Variants in VPS8 observed in about 807,000 individuals in gnomAD.
VPS8 encodes the protein vacuolar protein sorting-associated protein 8 homolog.
A neutral mutation model predicts 216.4 loss-of-function variants in VPS8; 129 were observed. The observed-to-expected ratio is 0.60, with a 90% CI of 0.52 to 0.69. The LOEUF is 0.69. VPS8 is among the 30% of genes least tolerant of loss of function. The pLI is 0.00. For synonymous variants in VPS8, 571 were observed against 565.4 expected (o/e 1.01, Z -0.14); for missense variants, 1,531 against 1,683.5 (o/e 0.91, Z 1.59).
intron 1 of VPS8, among the ~76,000 whole-genome samples, chr3:184,823,491 A>G (rs1718063915): frequency 6.6e-6 from 1 of 152,252 alleles, no homozygotes; most frequent in Non-Finnish European, 1.5e-5. Flanking sequence ...TGGTGTTTAT[A>G]CACGCTAAAG....
chr3:185,027,239 T>TTTTTTTC (rs1757504257), intron 46 of VPS8, among the ~76,000 whole-genome samples: 1 of 136,954 alleles, frequency 7.3e-6, no homozygotes, highest in African/African-American at 2.8e-5. Flanking sequence ...TATGTTCTTT[T>TTTTTTTC]TTTTTTTTTT....
At chr3:185,031,143 G>GC (rs1480603277) in intron 46 of VPS8, among the ~76,000 whole-genome samples, 1 of 143,418 alleles carries the variant, frequency 7.0e-6, no homozygotes, top group Non-Finnish European at 1.5e-5. Context: ...AGAAAAGCTG[G>GC]CCCCAGTGTC....
intron 46 of VPS8, among the ~76,000 whole-genome samples, chr3:185,030,589 G>A (rs182179879): frequency 6.6e-6 from 1 of 152,170 alleles, no homozygotes; most frequent in Non-Finnish European, 1.5e-5. Context: ...TATTCCGCAA[G>A]CCTGTTAGGT....
At chr3:184,832,105 T>A (rs1448098079) in intron 3 of VPS8, among the ~76,000 whole-genome samples, 5 of 152,186 alleles carry the variant, frequency 3.3e-5, no homozygotes, top group Non-Finnish European at 7.3e-5. Context: ...TATAAGGCTT[T>A]TCATGGTTTG....
intron 45 of VPS8, among the ~76,000 whole-genome samples, chr3:185,022,475 A>C (rs1756796430): frequency 6.6e-6 from 1 of 152,186 alleles, no homozygotes; most frequent in South Asian, 2.1e-4. Flanking sequence ...TATTTAATAG[A>C]TATAAGGCTA....
chr3:185,014,477 GCATAAC>G (rs1266640876), intron 45 of VPS8, among the ~76,000 whole-genome samples: 1 of 152,186 alleles, frequency 6.6e-6, no homozygotes, highest in African/African-American at 2.4e-5. Flanking sequence ...AGAAACGCAA[GCATAAC>G]CTTTATCCCA....
At chr3:184,954,962 T>G (rs1245065416) in intron 36 of VPS8, among the ~76,000 whole-genome samples, 1 of 152,164 alleles carries the variant, frequency 6.6e-6, no homozygotes, top group Non-Finnish European at 1.5e-5. Flanking sequence ...GGGTCAGGTG[T>G]TGACGGGATA....
At chr3:184,949,775 A>G (rs1336551228) in intron 36 of VPS8, among the ~76,000 whole-genome samples, 8 of 152,234 alleles carry the variant, frequency 5.3e-5, no homozygotes, top group Non-Finnish European at 8.8e-5. Context: ...GGCAAAACTA[A>G]GGATTACATT....
intron 31 of VPS8, among the ~76,000 whole-genome samples, chr3:184,926,877 G>A (rs1376373337): frequency 6.6e-6 from 1 of 152,148 alleles, no homozygotes; most frequent in Non-Finnish European, 1.5e-5. Context: ...GATCTGTCTT[G>A]TATCTACCGT....
intron 11 of VPS8, among the ~76,000 whole-genome samples, chr3:184,852,876 C>A (rs200443080): frequency 6.6e-6 from 1 of 152,094 alleles, no homozygotes; most frequent in East Asian, 1.9e-4. Context: ...GCTCAAGGCC[C>A]AGTTGATTTT....
intron 21 of VPS8, among the ~76,000 whole-genome samples, chr3:184,884,435 G>C (rs762245875): frequency 6.6e-6 from 1 of 152,078 alleles, no homozygotes; most frequent in Non-Finnish European, 1.5e-5. Flanking sequence ...GTATTTTCAG[G>C]ATCACTTTTT....
chr3:184,860,025 A>G lies in VPS8; in HGVS notation c.1184A>G (p.Gln395Arg). The G allele has an allele frequency of 6.2e-7, 1 of 1,613,436 alleles. No homozygotes were observed. ...TCTGGAGCAATACATGTTACTAAGCAAAAGCATCTTCACCTATACTATGAC... is the reference window on the plus strand; with the variant it reads ...TCTGGAGCAATACATGTTACTAAGCGAAAGCATCTTCACCTATACTATGAC... ...DESGAIHVTKQKHLHLYYDLI... is the reference protein window; with the variant it reads ...DESGAIHVTKRKHLHLYYDLI... The change falls in exon 15 of 48, where the codon CAA becomes CGA. Residue 395 changes from glutamine to arginine, a missense_variant. By Grantham distance (43) the Gln-to-Arg change is conservative (BLOSUM62 1). This residue lies in a region of VPS8 where 1,318 missense variants were observed against 1,468.4 expected (regional missense o/e 0.90). Transcript: ENST00000625842.
At chr3:184,903,615 T>TAA (rs530620639) in intron 25 of VPS8, among the ~76,000 whole-genome samples, 3 of 147,496 alleles carry the variant, frequency 2.0e-5, no homozygotes, top group African/African-American at 7.4e-5. Flanking sequence ...CCTGCTGAAT[T>TAA]AAAAAAAAAA....
chr3:185,046,203 G>A (rs1451166524), intron 46 of VPS8, among the ~76,000 whole-genome samples: 3 of 152,236 alleles, frequency 2.0e-5, no homozygotes, highest in Admixed American at 6.5e-5. Context: ...TTATGTTTTT[G>A]GAGTGAACAG....
At chr3:184,856,294 AG>A in intron 14 of VPS8, among the ~76,000 whole-genome samples, 1 of 152,352 alleles carries the variant, frequency 6.6e-6, no homozygotes, top group African/African-American at 2.4e-5. Context: ...AAATGGTTTA[AG>A]GATTGAACTA....
chr3:184,926,691 G>A, intron 31 of VPS8, 41 bp downstream of exon 31: 1 of 1,553,098 alleles, frequency 6.4e-7, no homozygotes, highest in Non-Finnish European at 8.7e-7. Flanking sequence ...AAATAGGAAA[G>A]AAGAGTAAGC....
At chr3:184,865,587 TAAC>T (rs1221142287) in intron 16 of VPS8, among the ~76,000 whole-genome samples, 1 of 152,138 alleles carries the variant, frequency 6.6e-6, no homozygotes, top group Non-Finnish European at 1.5e-5. Context: ...AAAAAAAGAA[TAAC>T]AAGTGTTGGC....
rs7640976 is a variant in VPS8 at position 184,812,202 on chromosome 3, C to G, written c.-112C>G. 64,151 of 152,382 alleles carry G rather than the reference C, an allele frequency of 0.42. 15,927 individuals carry two copies. The highest frequency in any genetic ancestry group is 0.67 in the East Asian group (3,480 of 5,178). 9.4% of individuals were successfully genotyped at this position (152,382 alleles called of 1,614,324 possible). ...TGCGGTCACGTGGGCCGGCGGTCCA[C>G]GGCCGGAATGGCAGCAAGCTCAGGT... is the stretch of plus-strand genomic sequence containing the variant. On this transcript the variant is annotated 5_prime_UTR_variant, in exon 1 of 48. Transcript: ENST00000625842.
intron 34 of VPS8, among the ~76,000 whole-genome samples, chr3:184,934,883 T>G (rs1741321582): frequency 6.6e-6 from 1 of 152,204 alleles, no homozygotes; most frequent in Non-Finnish European, 1.5e-5. Flanking sequence ...GAATTTTTCT[T>G]TTTTCTATTC....
Sources: allele counts gnomAD v4.1 joint callset (sites outside exome capture counted in the v4.1 genomes callset), GRCh38; gene constraint gnomAD v4.1.1; regional missense constraint gnomAD v4.1.1; transcripts MANE v1.5; gene names NCBI Gene and HGNC (gene_info 2026-07-23, HGNC 2026-07-21).